The following AP4S1 variants were observed in gnomAD, a reference collection of about 807,000 sequenced individuals.
AP4S1 encodes adaptor related protein complex 4 subunit sigma 1, also known as AP-4 complex subunit sigma-1.
Under a neutral mutation model 19.8 loss-of-function variants are expected in AP4S1, and 23 were observed. The ratio of observed to expected loss-of-function variants is 1.16; its 90% confidence interval spans 0.84 to 1.65. The LOEUF is 1.65. Ranked by LOEUF, AP4S1 falls within the 40% of genes most tolerant of loss-of-function variation. The pLI, the probability that AP4S1 is intolerant of heterozygous loss-of-function variation, is 0.00. For missense variants in AP4S1, 166 were observed against 172.8 expected, an observed-to-expected ratio of 0.96 and a Z score of 0.22; for synonymous variants, 46 against 54.1, an observed-to-expected ratio of 0.85 and a Z score of 0.66.
intron 1 of AP4S1, among the ~76,000 whole-genome samples, chr14:31,056,398 G>A (rs543264261): frequency 2.7e-5 from 4 of 148,556 alleles, no homozygotes; most frequent in South Asian, 2.1e-4. Flanking sequence ...CACTCTTGTC[G>A]CCCAGGCTGG....
intron 1 of AP4S1, among the ~76,000 whole-genome samples, chr14:31,036,615 G>A (rs958203885): frequency 7.9e-5 from 12 of 152,130 alleles, no homozygotes; most frequent in Admixed American, 3.9e-4. Flanking sequence ...GGCCTGTCCT[G>A]CAAAGGAAAT....
intron 1 of AP4S1, among the ~76,000 whole-genome samples, chr14:31,060,976 G>A (rs188311273): frequency 7.9e-5 from 12 of 151,706 alleles, no homozygotes; most frequent in African/African-American, 1.9e-4. Flanking sequence ...TTCAACCTCC[G>A]CCTCCCGGGT....
At chr14:31,084,983 C>A (rs1463426159) in intron 5 of AP4S1, 2 of 1,564,416 alleles carry the variant, frequency 1.3e-6, no homozygotes, top group Non-Finnish European at 1.7e-6. Flanking sequence ...GTACAGAAAA[C>A]CTCCACGGCC....
chr14:31,069,803 C>T, intron 2 of AP4S1, 40 bp from the exon 3 acceptor site: 1 of 1,482,394 alleles, frequency 6.7e-7, no homozygotes, highest in Non-Finnish European at 9.4e-7. Flanking sequence ...AGAACTCTCT[C>T]TCAGCCACAG....
At chr14:31,078,663 T>C (rs1287773744) in intron 4 of AP4S1, among the ~76,000 whole-genome samples, 2 of 152,212 alleles carry the variant, frequency 1.3e-5, no homozygotes, top group African/African-American at 2.4e-5. Flanking sequence ...ATTATTATAT[T>C]CAGTAACTGA....
At chr14:31,033,940 G>T (rs1218347149) in intron 1 of AP4S1, among the ~76,000 whole-genome samples, 3 of 152,190 alleles carry the variant, frequency 2.0e-5, no homozygotes, top group Non-Finnish European at 4.4e-5. Context: ...AACTCATAGA[G>T]ATGTCAAAAT....
chr14:31,042,991 C>T (rs192625691), intron 1 of AP4S1, among the ~76,000 whole-genome samples: 14 of 152,100 alleles, frequency 9.2e-5, no homozygotes, highest in African/African-American at 1.2e-4. Flanking sequence ...GAAGCCCAGG[C>T]GGGTGGATCA....
chr14:31,028,353 T>C (rs923199249), intron 1 of AP4S1, among the ~76,000 whole-genome samples: 3 of 152,046 alleles, frequency 2.0e-5, no homozygotes, highest in Non-Finnish European at 4.4e-5. Flanking sequence ...AATTTTTGTA[T>C]TTTTTGTAGA....
intron 1 of AP4S1, among the ~76,000 whole-genome samples, chr14:31,065,882 G>A (rs989096221): frequency 6.6e-6 from 1 of 151,926 alleles, no homozygotes; most frequent in Non-Finnish European, 1.5e-5. Flanking sequence ...GGATGGTCTC[G>A]ATCTCCTGAC....
rs1438976180 is a variant in AP4S1, at chr14:31,025,974, T to C, written c.-72+187T>C. The C allele has an allele frequency of 1.3e-6, 2 of 1,580,768 alleles. No homozygotes were observed. Among genetic ancestry groups the C allele is most frequent in the Non-Finnish European group, 1.7e-6 (2 of 1,164,420 alleles). On this transcript the variant is annotated intron_variant, in intron 1 of 5. Transcript: ENST00000542754. ...GAACCGAGCCCACTCGTGCTGGATGTAGTGCAGTATCCCCGGGATAGTGTA... is the reference window on the plus strand; with the variant it reads ...GAACCGAGCCCACTCGTGCTGGATGCAGTGCAGTATCCCCGGGATAGTGTA...
chr14:31,090,755 C>T (rs894171779), intron 5 of AP4S1, among the ~76,000 whole-genome samples: 2 of 152,246 alleles, frequency 1.3e-5, no homozygotes, highest in Admixed American at 6.5e-5. Flanking sequence ...ACAAGTTGCT[C>T]ATAAACCAAA....
At chr14:31,047,691 A>C (rs1351178522) in intron 1 of AP4S1, among the ~76,000 whole-genome samples, 1 of 151,644 alleles carries the variant, frequency 6.6e-6, no homozygotes, top group African/African-American at 2.4e-5. Context: ...CACCGTGCCC[A>C]GCCTTTGAGA....
intron 1 of AP4S1, among the ~76,000 whole-genome samples, chr14:31,050,897 A>G (rs967747886): frequency 6.6e-6 from 1 of 151,108 alleles, no homozygotes; most frequent in African/African-American, 2.4e-5. Context: ...CTTGTTTTTC[A>G]TGACTGTGGC....
chr14:31,092,567 GACA>G (rs1316211196), intron 5 of AP4S1, among the ~76,000 whole-genome samples: 1 of 152,196 alleles, frequency 6.6e-6, no homozygotes, highest in Non-Finnish European at 1.5e-5. Flanking sequence ...TGTCTGGGAA[GACA>G]ACACTATTTT....
chr14:31,051,463 G>T (rs183465475), intron 1 of AP4S1, among the ~76,000 whole-genome samples: 1 of 152,276 alleles, frequency 6.6e-6, no homozygotes, highest in East Asian at 1.9e-4. Flanking sequence ...CTGAGGTCGA[G>T]AGTTCGAGAC....
intron 1 of AP4S1, among the ~76,000 whole-genome samples, chr14:31,057,389 AC>A (rs1438295046): frequency 2.0e-5 from 3 of 152,208 alleles, no homozygotes. Context: ...CACAGTTGAC[AC>A]CCAAGTTGAA....
intron 5 of AP4S1, chr14:31,084,743 T>G: frequency 1.2e-6 from 2 of 1,613,966 alleles, no homozygotes; most frequent in Non-Finnish European, 1.7e-6. Context: ...GACTTCAAAT[T>G]TTATGAATTA....
intron 1 of AP4S1, among the ~76,000 whole-genome samples, chr14:31,049,093 A>T (rs1400377270): frequency 6.6e-6 from 1 of 151,650 alleles, no homozygotes; most frequent in African/African-American, 2.4e-5. Flanking sequence ...TACAAAAAAA[A>T]ACAACCAAAA....
chr14:31,062,696 G>A (rs1303014579), intron 1 of AP4S1, among the ~76,000 whole-genome samples: 3 of 151,964 alleles, frequency 2.0e-5, no homozygotes, highest in Non-Finnish European at 2.9e-5. Flanking sequence ...GGCCAGGCGC[G>A]GTGGCTCATG....
Sources: gnomAD v4.1 joint callset for allele counts (sites outside exome capture counted in the v4.1 genomes callset) on GRCh38, gnomAD v4.1.1 for gene constraint, MANE v1.5 for transcripts, NCBI Gene and HGNC (gene_info 2026-07-23, HGNC 2026-07-21) for gene names.